Variants in CEP128 observed in about 807,000 individuals in gnomAD.
CEP128 encodes centrosomal protein 128kDa.
Under a neutral mutation model 156.7 loss-of-function variants are expected in CEP128, and 132 were observed. The ratio of observed to expected loss-of-function variants is 0.84; its 90% confidence interval spans 0.73 to 0.97. CEP128 has a LOEUF of 0.97. CEP128 is among the 50% of genes least tolerant of loss of function. CEP128 has a pLI of 0.00. For synonymous variants in CEP128, 469 were observed against 448.9 expected (o/e 1.04, Z -0.57); for missense variants, 1,252 against 1,281.9 (o/e 0.98, Z 0.36).
At chr14:80,598,436 C>G (rs1892435214) in intron 19 of CEP128, among the ~76,000 whole-genome samples, 2 of 151,908 alleles carry the variant, frequency 1.3e-5, no homozygotes. Context: ...AATTTGTTTG[C>G]AGAAAACAAA....
chr14:80,821,596 C>CAT (rs1555352130), intron 13 of CEP128, among the ~76,000 whole-genome samples: 2 of 57,182 alleles, frequency 3.5e-5, no homozygotes, highest in Non-Finnish European at 7.0e-5. Flanking sequence ...CACACATACA[C>CAT]ACATACACAC....
chr14:80,739,819 C>T (rs1045362792), intron 19 of CEP128, among the ~76,000 whole-genome samples: 2 of 151,992 alleles, frequency 1.3e-5, no homozygotes, highest in Admixed American at 1.3e-4. Context: ...AATATTGCTA[C>T]CATAAAATGT....
intron 8 of CEP128, among the ~76,000 whole-genome samples, chr14:80,878,840 G>A (rs1888400761): frequency 6.6e-6 from 1 of 152,172 alleles, no homozygotes; most frequent in Admixed American, 6.5e-5. Flanking sequence ...GACAATGTGT[G>A]CAAGAGTCTG....
intron 19 of CEP128, among the ~76,000 whole-genome samples, chr14:80,693,594 A>G (rs1354982970): frequency 6.6e-6 from 1 of 152,202 alleles, no homozygotes; most frequent in East Asian, 1.9e-4. Flanking sequence ...TTGTGAAGCA[A>G]GAATTAGAGG....
At chr14:80,495,139 A>G (rs1033081935), downstream of CEP128, among the ~76,000 whole-genome samples, 6 of 152,192 alleles carry the variant, frequency 3.9e-5, no homozygotes, top group Non-Finnish European at 7.3e-5. Context: ...ATCCTTCCCA[A>G]TGTCCCAGTG....
At chr14:80,706,179 AC>A (rs1346983821) in intron 19 of CEP128, among the ~76,000 whole-genome samples, 27 of 152,222 alleles carry the variant, frequency 1.8e-4, no homozygotes, top group East Asian at 9.6e-4. Flanking sequence ...ACAAAAAAAA[AC>A]ATATAGAAAA....
At chr14:80,834,761 A>T (rs999682174) in intron 12 of CEP128, among the ~76,000 whole-genome samples, 14 of 152,192 alleles carry the variant, frequency 9.2e-5, no homozygotes, top group Admixed American at 7.9e-4. Context: ...AGTTTGATGA[A>T]GAAGCTAACA....
At position 80,745,817 on chromosome 14, in the gene CEP128, T is replaced by C. The variant is rs73340521; in HGVS notation, c.2614-2550A>G. ...GATTGAAAAGGAAGAAGTGAACATA[T>C]CTCCATTTGGAGGTAACAGGCTTAT... On this transcript the variant is annotated intron_variant, in intron 18 of 24. Coordinates refer to ENST00000555265, the MANE Select transcript of CEP128 (RefSeq NM_152446.5). Among the ~76,000 whole-genome samples, 1,235 of 151,906 alleles carry C rather than the reference T, an allele frequency of 8.1e-3. 14 individuals are homozygous for C. Among genetic ancestry groups the C allele is most frequent in the African/African-American group, 0.028 (1,150 of 41,452 alleles).
At chr14:80,527,927 C>A (rs937265872) in intron 22 of CEP128, among the ~76,000 whole-genome samples, 1 of 151,608 alleles carries the variant, frequency 6.6e-6, no homozygotes, top group African/African-American at 2.4e-5. Flanking sequence ...AGCAAACAGT[C>A]ACTATAGACA....
chr14:80,610,236 T>G (rs1311674403), intron 19 of CEP128, among the ~76,000 whole-genome samples: 1 of 152,162 alleles, frequency 6.6e-6, no homozygotes, highest in African/African-American at 2.4e-5. Flanking sequence ...TTATTTGAAA[T>G]AAAATCTTAC....
intron 19 of CEP128, among the ~76,000 whole-genome samples, chr14:80,591,912 T>C (rs933164869): frequency 1.3e-5 from 2 of 152,166 alleles, no homozygotes; most frequent in African/African-American, 4.8e-5. Context: ...GACTACTGGG[T>C]AAATAATGAA....
At chr14:80,599,012 A>G (rs1003095150) in intron 19 of CEP128, among the ~76,000 whole-genome samples, 8 of 152,208 alleles carry the variant, frequency 5.3e-5, no homozygotes, top group Non-Finnish European at 7.3e-5. Context: ...ATTTTATAAG[A>G]TATTTCCACT....
At chr14:80,745,121 G>C (rs931442457) in intron 18 of CEP128, among the ~76,000 whole-genome samples, 3 of 152,118 alleles carry the variant, frequency 2.0e-5, no homozygotes, top group African/African-American at 7.2e-5. Flanking sequence ...GGATCATGCG[G>C]GCAGTTTCCC....
At chr14:80,866,930 G>C (rs943410471) in intron 8 of CEP128, among the ~76,000 whole-genome samples, 3 of 152,182 alleles carry the variant, frequency 2.0e-5, no homozygotes, top group Admixed American at 6.5e-5. Context: ...ACCGAGGATA[G>C]TATCAAACCC....
At chr14:80,546,220 T>C (rs1594979514) in intron 21 of CEP128, among the ~76,000 whole-genome samples, 1 of 152,184 alleles carries the variant, frequency 6.6e-6, no homozygotes, top group African/African-American at 2.4e-5. Context: ...GACTTTCCCA[T>C]CCATTGTCTC....
At chr14:80,483,737 C>T (rs557893724) in intron 14 of CEP128, among the ~76,000 whole-genome samples, 1 of 152,244 alleles carries the variant, frequency 6.6e-6, no homozygotes, top group African/African-American at 2.4e-5. Context: ...AAAGACAATG[C>T]CTTTCTTCAA....
intron 19 of CEP128, among the ~76,000 whole-genome samples, chr14:80,656,294 TATATATATATATATATATA>T (rs1895151287): frequency 2.8e-3 from 8 of 2,854 alleles, no homozygotes; most frequent in Admixed American, 9.0e-3. Context: ...TATATATTTA[TATATATATATATATATATA>T]TATATATATA....
At chr14:80,682,838 AAACT>A (rs1896376177) in intron 19 of CEP128, among the ~76,000 whole-genome samples, 1 of 152,204 alleles carries the variant, frequency 6.6e-6, no homozygotes, top group Non-Finnish European at 1.5e-5. Flanking sequence ...ATTTTCTGCC[AAACT>A]AAGTTTCATA....
intron 13 of CEP128, chr14:80,830,352 T>C (rs1039400638): frequency 7.0e-6 from 3 of 428,748 alleles, no homozygotes; most frequent in African/African-American, 6.1e-5. Flanking sequence ...TAAAATTAGG[T>C]GCTTTTAACA....
Sources: gnomAD v4.1 joint callset for allele counts (sites outside exome capture counted in the v4.1 genomes callset) on GRCh38, gnomAD v4.1.1 for gene constraint, MANE v1.5 for transcripts, NCBI Gene and HGNC (gene_info 2026-07-23, HGNC 2026-07-21) for gene names.